Variants in SEMA6D observed in about 807,000 individuals in gnomAD.
SEMA6D encodes semaphorin-6D.
A neutral mutation model predicts 106.6 loss-of-function variants in SEMA6D; 35 were observed. The observed-to-expected ratio is 0.33, with a 90% CI of 0.25 to 0.44. The LOEUF (loss-of-function observed/expected upper bound fraction) is 0.44, where lower values mean the gene tolerates loss of function less well. Ranked by LOEUF, SEMA6D falls within the 20% of genes least tolerant of loss-of-function variation. The pLI, the probability that SEMA6D is intolerant of heterozygous loss-of-function variation, is 1.00. For synonymous variants in SEMA6D, 499 were observed against 487.7 expected (o/e 1.02, Z -0.31); for missense variants, 1,185 against 1,345.9 (o/e 0.88, Z 1.87).
In SEMA6D at chr15:47,568,247, A is replaced by G. The variant is rs568893079; in HGVS notation, c.-86-32618A>G. ...ATTACTTTTGCACCAATCTAATAACATTGTTTCCTCTATAGAAACTATTTC... is the reference window on the plus strand; with the variant it reads ...ATTACTTTTGCACCAATCTAATAACGTTGTTTCCTCTATAGAAACTATTTC... On this transcript the variant is annotated intron_variant, in intron 3 of 19. Coordinates refer to the SEMA6D transcript ENST00000558014. Among the ~76,000 whole-genome samples, 318 of 151,990 alleles carry G rather than the reference A, an allele frequency of 2.1e-3. 1 individual carries two copies. Among genetic ancestry groups the G allele is most frequent in the African/African-American group, 7.5e-3 (312 of 41,480 alleles).
chr15:47,306,937 C>T (rs147409409), intron 1 of SEMA6D, among the ~76,000 whole-genome samples: 42 of 152,242 alleles, frequency 2.8e-4, no homozygotes, highest in East Asian at 1.3e-3. Context: ...TATATATGTG[C>T]GTATGCCACT....
At chr15:47,397,548 C>A (rs201130434) in intron 1 of SEMA6D, 1 of 151,562 alleles carries the variant, frequency 6.6e-6, no homozygotes, top group African/African-American at 2.4e-5. Context: ...TTTCTGAACT[C>A]CTAATTTGGA....
chr15:47,625,671 C>G (rs1483542600), intron 4 of SEMA6D, among the ~76,000 whole-genome samples: 1 of 151,578 alleles, frequency 6.6e-6, no homozygotes, highest in Non-Finnish European at 1.5e-5. Context: ...GCCTGGGTGA[C>G]AGAGCCTGAC....
chr15:47,305,042 T>C (rs2036180958), intron 1 of SEMA6D, among the ~76,000 whole-genome samples: 1 of 152,204 alleles, frequency 6.6e-6, no homozygotes, highest in Non-Finnish European at 1.5e-5. Flanking sequence ...ATTTATGTCT[T>C]CTGTAAAGAT....
chr15:47,739,066 A>G (rs753874967), intron 1 of SEMA6D, among the ~76,000 whole-genome samples: 4 of 152,194 alleles, frequency 2.6e-5, no homozygotes, highest in East Asian at 1.9e-4. Context: ...GAAGCTGCCT[A>G]TGTATTAAGT....
chr15:47,553,721 A>T (rs538398560), intron 3 of SEMA6D, among the ~76,000 whole-genome samples: 1 of 152,034 alleles, frequency 6.6e-6, no homozygotes, highest in Non-Finnish European at 1.5e-5. Flanking sequence ...TAAGCAGGGC[A>T]TTTCAGTGTT....
intron 1 of SEMA6D, among the ~76,000 whole-genome samples, chr15:47,750,774 C>T (rs1214645967): frequency 6.6e-6 from 1 of 152,226 alleles, no homozygotes; most frequent in African/African-American, 2.4e-5. Flanking sequence ...GAGGAAGGGT[C>T]TCAGAGTTGG....
chr15:47,267,219 T>A (rs183258328), intron 1 of SEMA6D, among the ~76,000 whole-genome samples: 34 of 152,276 alleles, frequency 2.2e-4, no homozygotes, highest in African/African-American at 7.5e-4. Context: ...ACTTAAAATA[T>A]TCTTGATATA....
chr15:47,759,061 C>T (rs1212899431), intron 1 of SEMA6D, among the ~76,000 whole-genome samples: 2 of 152,118 alleles, frequency 1.3e-5, no homozygotes, highest in Non-Finnish European at 2.9e-5. Context: ...GGCCTGGTGT[C>T]AGCTGTGCCA....
chr15:47,531,971 C>T (rs955032756), intron 3 of SEMA6D, among the ~76,000 whole-genome samples: 1 of 152,104 alleles, frequency 6.6e-6, no homozygotes, highest in African/African-American at 2.4e-5. Context: ...ATTACTTTTG[C>T]ACCAGTCTAA....
rs906221586 is a variant in SEMA6D, at chr15:47,772,771, C to T, written c.*986C>T. 1.3e-5 allele frequency: 2 copies of T among 150,658 alleles called. No homozygotes were observed. Among genetic ancestry groups the T allele is most frequent in the Admixed American group, 6.7e-5 (1 of 14,926 alleles). The allele number at this position is 150,658 out of a possible 1,614,324, so 9.3% of individuals were successfully genotyped here. A position where few individuals can be genotyped will look rare whatever the true frequency, so the allele number is the denominator to read the frequency against. On this transcript the variant is annotated 3_prime_UTR_variant, in exon 19 of 19. Transcript: ENST00000536845. Reference sequence around the variant, plus strand: ...GTCACTCTATTTAACCTTGGACACACTAATAAGGTTTTATTTTGATTGTGT... The same window carrying T: ...GTCACTCTATTTAACCTTGGACACATTAATAAGGTTTTATTTTGATTGTGT...
At chr15:47,418,062 G>GA (rs1212403728) in intron 2 of SEMA6D, among the ~76,000 whole-genome samples, 1 of 151,882 alleles carries the variant, frequency 6.6e-6, no homozygotes, top group Non-Finnish European at 1.5e-5. Flanking sequence ...TGTGCAAAAA[G>GA]AAAAAAGAGG....
At chr15:47,620,707 TATAC>T (rs2077082687) in intron 4 of SEMA6D, among the ~76,000 whole-genome samples, 1 of 124,486 alleles carries the variant, frequency 8.0e-6, no homozygotes. Flanking sequence ...TATATATATA[TATAC>T]ACACATATAT....
intron 3 of SEMA6D, among the ~76,000 whole-genome samples, chr15:47,518,919 T>C (rs1191875454): frequency 6.6e-6 from 1 of 151,770 alleles, no homozygotes; most frequent in Non-Finnish European, 1.5e-5. Context: ...GTAGAAGGAG[T>C]ACACTCTATA....
intron 1 of SEMA6D, among the ~76,000 whole-genome samples, chr15:47,317,526 C>T (rs1035262518): frequency 6.6e-6 from 1 of 152,098 alleles, no homozygotes; most frequent in Non-Finnish European, 1.5e-5. Context: ...GAACTTTTAG[C>T]ATTTCTTACA....
At chr15:47,499,239 A>C (rs1019626) in intron 3 of SEMA6D, among the ~76,000 whole-genome samples, 70,431 of 151,628 alleles carry the variant, frequency 0.46, 17,790 homozygotes, top group East Asian at 0.82. Context: ...GACCAAAGAT[A>C]TTTTCTCCTC....
At chr15:47,546,911 C>T (rs1454613374) in intron 3 of SEMA6D, among the ~76,000 whole-genome samples, 1 of 152,018 alleles carries the variant, frequency 6.6e-6, no homozygotes, top group Admixed American at 6.6e-5. Context: ...ACACCATATT[C>T]CAACCCAATT....
chr15:47,369,919 C>T (rs1458156088), intron 1 of SEMA6D, among the ~76,000 whole-genome samples: 1 of 152,176 alleles, frequency 6.6e-6, no homozygotes, highest in Non-Finnish European at 1.5e-5. Context: ...CTGTTTTAAG[C>T]ACATTGCATT....
intron 1 of SEMA6D, among the ~76,000 whole-genome samples, chr15:47,736,765 T>C (rs2080469219): frequency 6.6e-6 from 1 of 152,244 alleles, no homozygotes; most frequent in South Asian, 2.1e-4. Context: ...ACAACTGAGG[T>C]ACAAATGTTT....
Sources: gnomAD v4.1 joint callset for allele counts (sites outside exome capture counted in the v4.1 genomes callset) on GRCh38, gnomAD v4.1.1 for gene constraint, MANE v1.5 for transcripts, NCBI Gene and HGNC (gene_info 2026-07-23, HGNC 2026-07-21) for gene names.